Variants in CACNA2D3 observed in about 807,000 individuals in gnomAD.
CACNA2D3 encodes the protein voltage-dependent calcium channel subunit alpha-2/delta-3.
CACNA2D3 carries 60 observed loss-of-function variants against 160.6 expected under a neutral mutation model. The observed-to-expected ratio is 0.37, with a 90% CI of 0.30 to 0.46. CACNA2D3 has a LOEUF of 0.46. Ranked by LOEUF, CACNA2D3 falls within the 20% of genes least tolerant of loss-of-function variation. The pLI, the probability that CACNA2D3 is intolerant of heterozygous loss-of-function variation, is 1.00. For missense variants in CACNA2D3, 1,205 were observed against 1,365.0 expected, an observed-to-expected ratio of 0.88 and a Z score of 1.85; for synonymous variants, 558 against 492.9, an observed-to-expected ratio of 1.13 and a Z score of -1.75.
chr3:54,498,159 A>G lies in CACNA2D3; in HGVS notation c.382-5333A>G, dbSNP rs1300430350. Among the ~76,000 whole-genome samples, 3 of 151,242 alleles carry G rather than the reference A, an allele frequency of 2.0e-5. 1 individual carries two copies. The highest frequency in any genetic ancestry group is 7.3e-5 in the African/African-American group (3 of 41,266). On this transcript the variant is annotated intron_variant, in intron 4 of 37. Coordinates refer to ENST00000474759, the MANE Select transcript of CACNA2D3 (RefSeq NM_018398.3). Reference sequence around the variant, plus strand: ...AAAGAGTCTATATAAGATTGTTTGTATTTTTTTCTCATATATTTGATAGAA... The same window carrying G: ...AAAGAGTCTATATAAGATTGTTTGTGTTTTTTTCTCATATATTTGATAGAA...
At chr3:55,029,192 A>G (rs1002252865) in intron 35 of CACNA2D3, among the ~76,000 whole-genome samples, 61 of 152,242 alleles carry the variant, frequency 4.0e-4, no homozygotes, top group African/African-American at 1.5e-3. Flanking sequence ...GGGACACAGC[A>G]TTTTCCTTGA....
intron 2 of CACNA2D3, among the ~76,000 whole-genome samples, chr3:54,293,192 A>G (rs1306738060): frequency 6.6e-6 from 1 of 152,068 alleles, no homozygotes; most frequent in East Asian, 1.9e-4. Context: ...ATGGGGTATT[A>G]TTTTTTTATT....
intron 8 of CACNA2D3, among the ~76,000 whole-genome samples, chr3:54,580,008 A>G (rs1009636095): frequency 6.6e-6 from 1 of 152,126 alleles, no homozygotes; most frequent in Non-Finnish European, 1.5e-5. Context: ...TGGGGGCCAG[A>G]GAGGATAAGT....
intron 2 of CACNA2D3, among the ~76,000 whole-genome samples, chr3:54,241,982 A>G (rs1701982418): frequency 6.6e-6 from 1 of 152,218 alleles, no homozygotes; most frequent in Non-Finnish European, 1.5e-5. Context: ...AAGGGAATAC[A>G]TTCCAGGGCC....
At chr3:54,153,069 A>G (rs1339215123) in intron 2 of CACNA2D3, among the ~76,000 whole-genome samples, 1 of 152,168 alleles carries the variant, frequency 6.6e-6, no homozygotes, top group African/African-American at 2.4e-5. Context: ...GAAGAATGCA[A>G]ACAGATTCTT....
intron 35 of CACNA2D3, among the ~76,000 whole-genome samples, chr3:55,043,968 G>A (rs1317925322): frequency 6.6e-6 from 1 of 152,020 alleles, no homozygotes; most frequent in African/African-American, 2.4e-5. Flanking sequence ...ATTTATCTAT[G>A]TGTCTGTCTT....
intron 35 of CACNA2D3, among the ~76,000 whole-genome samples, chr3:55,044,032 TCAAG>T (rs1220106685): frequency 6.6e-6 from 1 of 152,230 alleles, no homozygotes; most frequent in African/African-American, 2.4e-5. Context: ...AGTCTTGAAA[TCAAG>T]CAAGAAGAAT....
At chr3:54,209,659 G>A (rs1176048296) in intron 2 of CACNA2D3, among the ~76,000 whole-genome samples, 1 of 152,178 alleles carries the variant, frequency 6.6e-6, no homozygotes, top group Admixed American at 6.5e-5. Flanking sequence ...TCATCTCATT[G>A]TCTGCTCCAA....
intron 11 of CACNA2D3, among the ~76,000 whole-genome samples, chr3:54,698,100 T>A (rs1237560652): frequency 6.6e-6 from 1 of 152,128 alleles, no homozygotes; most frequent in Non-Finnish European, 1.5e-5. Context: ...ACAATCCAAA[T>A]AATATTTTCA....
intron 5 of CACNA2D3, among the ~76,000 whole-genome samples, chr3:54,557,058 T>C (rs1431030025): frequency 6.6e-6 from 1 of 152,236 alleles, no homozygotes; most frequent in Admixed American, 6.5e-5. Flanking sequence ...TTTAAATGAC[T>C]GTAACAATAG....
At chr3:54,560,289 G>A (rs909357010) in intron 5 of CACNA2D3, among the ~76,000 whole-genome samples, 2 of 152,348 alleles carry the variant, frequency 1.3e-5, no homozygotes, top group East Asian at 1.9e-4. Flanking sequence ...TGACTGGTAT[G>A]AGACAGTATC....
chr3:54,609,067 T>A (rs1186793596), intron 9 of CACNA2D3, among the ~76,000 whole-genome samples: 1 of 152,226 alleles, frequency 6.6e-6, no homozygotes, highest in Non-Finnish European at 1.5e-5. Flanking sequence ...CCCTAATCTT[T>A]AATGTGTATT....
intron 31 of CACNA2D3, among the ~76,000 whole-genome samples, chr3:55,003,534 G>GT (rs757553339): frequency 6.6e-5 from 10 of 152,106 alleles, no homozygotes; most frequent in Non-Finnish European, 1.2e-4. Flanking sequence ...TAGTAGAATG[G>GT]TTACCCAGTA....
intron 2 of CACNA2D3, among the ~76,000 whole-genome samples, chr3:54,314,082 A>G (rs914584276): frequency 2.0e-5 from 3 of 151,944 alleles, no homozygotes; most frequent in African/African-American, 7.3e-5. Context: ...CTGAGTCCCA[A>G]AAGTCCATTG....
At chr3:54,234,156 T>G (rs1333312517) in intron 2 of CACNA2D3, among the ~76,000 whole-genome samples, 2 of 151,976 alleles carry the variant, frequency 1.3e-5, no homozygotes, top group Non-Finnish European at 1.5e-5. Context: ...GATCTTAAAT[T>G]TACAATAAAA....
chr3:54,568,038 T>A (rs1373724311), intron 6 of CACNA2D3, among the ~76,000 whole-genome samples: 3 of 152,220 alleles, frequency 2.0e-5, no homozygotes, highest in Non-Finnish European at 2.9e-5. Context: ...CATTACACAG[T>A]CTCAGACCTC....
chr3:55,004,733 G>A (rs1365982595), intron 31 of CACNA2D3, 30 bp from the exon 32 acceptor site: 3 of 1,501,398 alleles, frequency 2.0e-6, no homozygotes, highest in South Asian at 1.1e-5. Context: ...TTCTCATTTA[G>A]TGAAGCTCCC....
At chr3:55,008,716 A>G (rs1703147965) in intron 33 of CACNA2D3, among the ~76,000 whole-genome samples, 1 of 152,200 alleles carries the variant, frequency 6.6e-6, no homozygotes, top group African/African-American at 2.4e-5. Context: ...GCTGCTAGGA[A>G]TAGTAGCCAT....
chr3:54,686,275 A>G (rs189726278), intron 11 of CACNA2D3, among the ~76,000 whole-genome samples: 2 of 152,342 alleles, frequency 1.3e-5, no homozygotes, highest in Admixed American at 1.3e-4. Flanking sequence ...CAGAGACCAA[A>G]TGGCGCACAA....
Sources: allele counts gnomAD v4.1 joint callset (sites outside exome capture counted in the v4.1 genomes callset), GRCh38; gene constraint gnomAD v4.1.1; transcripts MANE v1.5; gene names NCBI Gene and HGNC (gene_info 2026-07-23, HGNC 2026-07-21).